The following SWT1 variants were observed in gnomAD, a reference collection of about 807,000 sequenced individuals.
The protein encoded by SWT1 is SWT1 RNA endoribonuclease homolog, also known as transcriptional protein SWT1.
Under a neutral mutation model 107.3 loss-of-function variants are expected in SWT1, and 33 were observed. The observed-to-expected ratio is 0.31, with a 90% CI of 0.23 to 0.41. SWT1 has a LOEUF of 0.41. Among genes scored for constraint, SWT1 ranks in the 10% least tolerant of loss-of-function variants. SWT1 has a pLI of 1.00. For missense variants in SWT1, 898 were observed against 1,028.9 expected (o/e 0.87, Z 1.74); for synonymous variants, 345 against 348.3 (o/e 0.99, Z 0.11).
intron 18 of SWT1, among the ~76,000 whole-genome samples, chr1:185,284,068 T>C (rs1316756975): frequency 6.6e-6 from 1 of 152,232 alleles, no homozygotes; most frequent in Non-Finnish European, 1.5e-5. Context: ...ACTAACAATA[T>C]ACAACAGTTC....
At chr1:185,178,254 T>C (rs751905768) in intron 5 of SWT1, among the ~76,000 whole-genome samples, 1 of 152,148 alleles carries the variant, frequency 6.6e-6, no homozygotes, top group Non-Finnish European at 1.5e-5. Context: ...GGAAGGTACA[T>C]GAGCACATAG....
At chr1:185,178,996 C>T (rs148158849) in intron 5 of SWT1, among the ~76,000 whole-genome samples, 10 of 152,184 alleles carry the variant, frequency 6.6e-5, no homozygotes, top group East Asian at 3.9e-4. Flanking sequence ...TTTGTGTGGG[C>T]GCAGTGGCTC....
chr1:185,195,094 A>G (rs1203118113), intron 10 of SWT1, among the ~76,000 whole-genome samples: 2 of 152,072 alleles, frequency 1.3e-5, no homozygotes, highest in South Asian at 4.2e-4. Context: ...GATTTGCTGC[A>G]CCCATCAACC....
chr1:185,158,047 A>G (rs904549930), intron 1 of SWT1, among the ~76,000 whole-genome samples: 1 of 152,186 alleles, frequency 6.6e-6, no homozygotes, highest in African/African-American at 2.4e-5. Flanking sequence ...TCTAGGCATC[A>G]GGGCAGGAGA....
intron 14 of SWT1, 43 bp from the exon 15 acceptor site, chr1:185,221,806 A>G (rs185556706): frequency 5.0e-5 from 70 of 1,392,828 alleles, no homozygotes; most frequent in Admixed American, 1.0e-4. Context: ...CTCCTCTGCA[A>G]ATGAAGAACT....
chr1:185,259,097 A>G (rs1255236598), intron 16 of SWT1, among the ~76,000 whole-genome samples: 1 of 152,136 alleles, frequency 6.6e-6, no homozygotes, highest in Non-Finnish European at 1.5e-5. Context: ...TAAAATGTAC[A>G]TAATACCTTT....
chr1:185,189,172 A>C (rs1390583783), intron 9 of SWT1, among the ~76,000 whole-genome samples: 1 of 151,676 alleles, frequency 6.6e-6, no homozygotes, highest in Non-Finnish European at 1.5e-5. Flanking sequence ...TTTTTTTTGT[A>C]GAGGCAGAGT....
At chr1:185,286,626 G>A (rs1664965992) in intron 18 of SWT1, among the ~76,000 whole-genome samples, 1 of 152,012 alleles carries the variant, frequency 6.6e-6, no homozygotes. Flanking sequence ...CTTGTTCATT[G>A]CTAATGTATA....
rs369002674 is a variant in SWT1 at position 185,223,276 on chromosome 1, G to GTGGTATAATC, written c.2309+1241_2309+1250dup. ...GCTCTGTCACCCAGGTGGTAGTGCA[G>GTGGTATAATC]TGGTATAATCATGGCTCACTGCAGT... On this transcript the variant is annotated intron_variant, in intron 15 of 18. Coordinates refer to ENST00000367500, the MANE Select transcript of SWT1 (RefSeq NM_017673.7). Among the ~76,000 whole-genome samples, 268 of 152,194 alleles carry GTGGTATAATC rather than the reference G, an allele frequency of 1.8e-3. 2 individuals are homozygous for GTGGTATAATC. Among genetic ancestry groups the GTGGTATAATC allele is most frequent in the African/African-American group, 6.2e-3 (256 of 41,530 alleles).
At chr1:185,216,526 G>A (rs1043746994) in intron 14 of SWT1, among the ~76,000 whole-genome samples, 1 of 152,156 alleles carries the variant, frequency 6.6e-6, no homozygotes, top group Non-Finnish European at 1.5e-5. Flanking sequence ...ACAATAATGT[G>A]TAGTTTTTAA....
At chr1:185,198,680 G>C (rs116404242) in intron 10 of SWT1, among the ~76,000 whole-genome samples, 5,569 of 151,822 alleles carry the variant, frequency 0.037, 324 homozygotes, top group African/African-American at 0.13. Flanking sequence ...TTACCGTTAA[G>C]TAGTGCCTTT....
intron 4 of SWT1, 43 bp from the exon 5 acceptor site, chr1:185,174,329 T>C (rs1231323818): frequency 6.9e-7 from 1 of 1,457,848 alleles, no homozygotes; most frequent in Non-Finnish European, 9.1e-7. Flanking sequence ...TGCAACATTA[T>C]GTATAATTAT....
rs1653646269 is a variant in SWT1, at chr1:185,157,172, G to A, written c.-152G>A. The A allele has an allele frequency of 6.1e-6, 1 of 163,184 alleles. No homozygotes were observed. Among genetic ancestry groups the A allele is most frequent in the Admixed American group, 6.1e-5 (1 of 16,486 alleles). The allele number at this position is 163,184 out of a possible 1,614,324, so 10.1% of individuals were successfully genotyped here. A position where few individuals can be genotyped will look rare whatever the true frequency, so the allele number is the denominator to read the frequency against. On this transcript the variant is annotated 5_prime_UTR_variant, in exon 1 of 19. Transcript: ENST00000367500. ...AGCGAGCGCTGTGGGGCGGTGAGTA[G>A]GTAGTGCGGATGCGGGCGCAGAACT...
At chr1:185,235,176 A>G (rs867687042) in intron 16 of SWT1, among the ~76,000 whole-genome samples, 10 of 152,202 alleles carry the variant, frequency 6.6e-5, no homozygotes, top group Admixed American at 2.6e-4. Flanking sequence ...ACTATTCCAA[A>G]CAATAGAAAA....
chr1:185,276,078 G>T (rs1053292501), intron 17 of SWT1, among the ~76,000 whole-genome samples: 2 of 152,068 alleles, frequency 1.3e-5, no homozygotes, highest in Admixed American at 1.3e-4. Flanking sequence ...TTGTCTAAAT[G>T]AATAGTAAGT....
chr1:185,207,951 G>T (rs944112484), intron 13 of SWT1, among the ~76,000 whole-genome samples: 1 of 152,046 alleles, frequency 6.6e-6, no homozygotes, highest in Non-Finnish European at 1.5e-5. Flanking sequence ...ATTATTAAAG[G>T]TTCAGTTGGT....
At chr1:185,210,043 A>G (rs879972260) in intron 13 of SWT1, among the ~76,000 whole-genome samples, 3 of 152,194 alleles carry the variant, frequency 2.0e-5, no homozygotes, top group South Asian at 2.1e-4. Flanking sequence ...GTGTCTGTTC[A>G]TATCCCTCGC....
chr1:185,276,099 C>T (rs1454326126), intron 17 of SWT1, among the ~76,000 whole-genome samples: 2 of 151,998 alleles, frequency 1.3e-5, no homozygotes, highest in African/African-American at 2.4e-5. Context: ...TTCAAGATTC[C>T]TTCACTGTGT....
At chr1:185,268,269 A>G (rs1243419431) in intron 16 of SWT1, among the ~76,000 whole-genome samples, 8 of 152,264 alleles carry the variant, frequency 5.3e-5, no homozygotes, top group African/African-American at 1.9e-4. Flanking sequence ...TTTCTTCATT[A>G]GAATACAATT....
Sources: gnomAD v4.1 joint callset for allele counts (sites outside exome capture counted in the v4.1 genomes callset) on GRCh38, gnomAD v4.1.1 for gene constraint, MANE v1.5 for transcripts, NCBI Gene and HGNC (gene_info 2026-07-23, HGNC 2026-07-21) for gene names.